Variants in KLHL20 observed in about 807,000 individuals in gnomAD.
The protein encoded by KLHL20 is kelch-like protein 20.
A neutral mutation model predicts 69.5 loss-of-function variants in KLHL20; 29 were observed. The observed-to-expected ratio is 0.42, with a 90% confidence interval of 0.31 to 0.57. The LOEUF (loss-of-function observed/expected upper bound fraction) is 0.57. Ranked by LOEUF, KLHL20 falls within the 20% of genes least tolerant of loss-of-function variation. KLHL20 has a pLI of 0.18. For synonymous variants in KLHL20, 253 were observed against 265.2 expected (o/e 0.95, Z 0.45); for missense variants, 419 against 776.0 (o/e 0.54, Z 5.47).
intron 2 of KLHL20, among the ~76,000 whole-genome samples, chr1:173,726,894 C>T (rs1050323729): frequency 1.6e-4 from 24 of 152,128 alleles, no homozygotes; most frequent in South Asian, 6.2e-4. Context: ...CAAAGCTGGA[C>T]GGAGAATGAC....
chr1:173,738,191 T>C (rs1033435110), intron 3 of KLHL20, among the ~76,000 whole-genome samples: 3 of 152,162 alleles, frequency 2.0e-5, no homozygotes, highest in African/African-American at 7.2e-5. Context: ...ACAATTTGGA[T>C]GCTCTTTATT....
chr1:173,759,654 C>A (rs1673704943), intron 7 of KLHL20, among the ~76,000 whole-genome samples: 1 of 152,100 alleles, frequency 6.6e-6, no homozygotes. Context: ...CACAGGAAGC[C>A]ACATCCATAG....
chr1:173,716,068 T>C lies in KLHL20; in HGVS notation c.23+2T>C. On this transcript the variant is annotated splice_donor_variant, in intron 2 of 11. Coordinates refer to ENST00000209884, the MANE Select transcript of KLHL20 (RefSeq NM_014458.4). LOFTEE classifies it high-confidence loss of function. ...CATGGAAGGAAAGCCAATGCGCAGG[T>C]AGGCATTTAGGAAGAAAACCTTTGG... The C allele has an allele frequency of 2.5e-6, 4 of 1,613,598 alleles. No individual in the cohort carries two copies. The highest frequency in any genetic ancestry group is 3.4e-6 in the Non-Finnish European group (4 of 1,179,668).
chr1:173,757,446 C>T (rs1673598715), intron 7 of KLHL20, among the ~76,000 whole-genome samples: 2 of 152,030 alleles, frequency 1.3e-5, no homozygotes, highest in Non-Finnish European at 2.9e-5. Context: ...TCATACCTCT[C>T]TCCTTACATA....
intron 3 of KLHL20, among the ~76,000 whole-genome samples, chr1:173,741,397 A>G (rs951028114): frequency 2.6e-5 from 4 of 152,216 alleles, no homozygotes; most frequent in East Asian, 1.9e-4. Context: ...ATGACCTCCA[A>G]TGGATCAAAC....
At chr1:173,732,161 C>T (rs1672313217) in intron 2 of KLHL20, among the ~76,000 whole-genome samples, 2 of 151,434 alleles carry the variant, frequency 1.3e-5, no homozygotes, top group South Asian at 4.2e-4. Context: ...TGCGCCACTG[C>T]AGCCCAGCCT....
intron 3 of KLHL20, among the ~76,000 whole-genome samples, chr1:173,739,000 G>T (rs893540227): frequency 6.6e-6 from 1 of 152,028 alleles, no homozygotes; most frequent in Non-Finnish European, 1.5e-5. Context: ...GGGTGATACT[G>T]GCTTCATAGA....
At chr1:173,735,216 C>T (rs1180798658) in intron 3 of KLHL20, among the ~76,000 whole-genome samples, 3 of 152,214 alleles carry the variant, frequency 2.0e-5, no homozygotes, top group Non-Finnish European at 2.9e-5. Flanking sequence ...GAGGCTGAGG[C>T]GGGCAGATTG....
chr1:173,785,430 C>A lies in KLHL20; in HGVS notation c.*183C>A. The A allele has an allele frequency of 2.9e-6, 1 of 345,956 alleles. No homozygotes were observed. The highest frequency in any genetic ancestry group is 5.2e-6 in the Non-Finnish European group (1 of 191,876). The allele number at this position is 345,956 out of a possible 1,614,324, so 21.4% of individuals were successfully genotyped here. On this transcript the variant is annotated 3_prime_UTR_variant, in exon 12 of 12. Coordinates refer to ENST00000209884, the MANE Select transcript of KLHL20 (RefSeq NM_014458.4). ...ATGCACAATAATTTTCAACTCTGTG[C>A]AGAAGAATATTTATTTTTGGTTTTA... is the stretch of plus-strand genomic sequence containing the variant.
At chr1:173,748,760 G>GAA (rs150091168) in intron 3 of KLHL20, among the ~76,000 whole-genome samples, 2 of 146,778 alleles carry the variant, frequency 1.4e-5, no homozygotes, top group African/African-American at 5.0e-5. Flanking sequence ...TAAAAAATCA[G>GAA]AAAAAAAAAA....
intron 3 of KLHL20, among the ~76,000 whole-genome samples, chr1:173,738,666 C>A (rs1672650907): frequency 6.6e-6 from 1 of 152,144 alleles, no homozygotes; most frequent in Non-Finnish European, 1.5e-5. Flanking sequence ...AGGTATGTCC[C>A]TTCTATGCCG....
At chr1:173,768,905 A>T (rs1647902555) in intron 8 of KLHL20, among the ~76,000 whole-genome samples, 6 of 152,226 alleles carry the variant, frequency 3.9e-5, no homozygotes. Flanking sequence ...AGGAGAAATC[A>T]GAAAGAAGCA....
At chr1:173,717,974 C>T (rs1257769519) in intron 2 of KLHL20, among the ~76,000 whole-genome samples, 1 of 152,184 alleles carries the variant, frequency 6.6e-6, no homozygotes, top group African/African-American at 2.4e-5. Context: ...GAAAAGTTAA[C>T]TCTCCCATTG....
At chr1:173,770,638 C>A (rs1242833485) in intron 8 of KLHL20, among the ~76,000 whole-genome samples, 1 of 149,966 alleles carries the variant, frequency 6.7e-6, no homozygotes. Context: ...CGAGGTCGCA[C>A]CATTGAGCTC....
At position 173,746,906 on chromosome 1, in the gene KLHL20, C is replaced by A. The variant is rs1180344451; in HGVS notation, c.598-4858C>A. Among the ~76,000 whole-genome samples, 3 of 150,608 alleles carry A rather than the reference C, an allele frequency of 2.0e-5. No homozygotes were observed. In the Admixed American group the frequency reaches 2.0e-4, roughly 10 times the overall value. On this transcript the variant is annotated intron_variant, in intron 3 of 11. Transcript: ENST00000209884. ...CTAGTTTTAATATATTTAATTGATT[C>A]TAGTCTTTAGTGCTTCATTATCATT...
At chr1:173,720,887 T>A (rs1027548254) in intron 2 of KLHL20, among the ~76,000 whole-genome samples, 3 of 152,068 alleles carry the variant, frequency 2.0e-5, no homozygotes, top group Non-Finnish European at 2.9e-5. Flanking sequence ...GATTATTGTG[T>A]TTAGGAAACA....
chr1:173,743,103 T>A, intron 3 of KLHL20, among the ~76,000 whole-genome samples: 2 of 120,338 alleles, frequency 1.7e-5, no homozygotes, highest in African/African-American at 3.6e-5. Flanking sequence ...AAGCATAGGG[T>A]ATAATAAGGA....
At chr1:173,773,491 A>G (rs1648244210) in intron 8 of KLHL20, among the ~76,000 whole-genome samples, 1 of 151,456 alleles carries the variant, frequency 6.6e-6, no homozygotes, top group Non-Finnish European at 1.5e-5. Flanking sequence ...GTAAGATTGA[A>G]GTGTCTAGGG....
intron 3 of KLHL20, among the ~76,000 whole-genome samples, chr1:173,742,667 GTA>G (rs760045625): frequency 3.1e-4 from 47 of 150,028 alleles, no homozygotes; most frequent in Non-Finnish European, 3.4e-4. Flanking sequence ...ACACGTATGT[GTA>G]TATATATGCA....
Sources: allele counts gnomAD v4.1 joint callset (sites outside exome capture counted in the v4.1 genomes callset), GRCh38; gene constraint gnomAD v4.1.1; transcripts MANE v1.5; gene names NCBI Gene and HGNC (gene_info 2026-07-23, HGNC 2026-07-21).